The following DCC variants were observed in gnomAD, a reference collection of about 807,000 sequenced individuals.
The protein encoded by DCC is DCC netrin 1 receptor.
A neutral mutation model predicts 172.5 loss-of-function variants in DCC; 58 were observed. The ratio of observed to expected loss-of-function variants is 0.34; its 90% CI spans 0.27 to 0.42. The LOEUF (loss-of-function observed/expected upper bound fraction) is 0.42, where lower values mean the gene tolerates loss of function less well. Ranked by LOEUF, DCC falls within the 10% of genes least tolerant of loss-of-function variation. DCC has a pLI of 1.00. For synonymous variants in DCC, 709 were observed against 644.5 expected (o/e 1.10, Z -1.52); for missense variants, 1,740 against 1,791.0 (o/e 0.97, Z 0.51).
intron 1 of DCC, among the ~76,000 whole-genome samples, chr18:52,518,337 C>G (rs577594707): frequency 6.6e-6 from 1 of 152,104 alleles, no homozygotes; most frequent in African/African-American, 2.4e-5. Context: ...AAAGGTGGAA[C>G]CCAGAGTTTG....
chr18:52,542,695 T>C (rs2032494860), intron 1 of DCC, among the ~76,000 whole-genome samples: 1 of 152,002 alleles, frequency 6.6e-6, no homozygotes, highest in African/African-American at 2.4e-5. Flanking sequence ...AAAATTTAGC[T>C]GGGTGTGGTG....
chr18:53,363,629 C>T (rs1023063495), intron 15 of DCC, among the ~76,000 whole-genome samples: 2 of 152,086 alleles, frequency 1.3e-5, no homozygotes, highest in African/African-American at 4.8e-5. Flanking sequence ...CTCCCACAGG[C>T]TTCTTTGTCC....
chr18:53,100,564 T>G (rs2043157798), intron 7 of DCC, among the ~76,000 whole-genome samples: 1 of 141,138 alleles, frequency 7.1e-6, no homozygotes. Context: ...AGAAAGGGAG[T>G]AGAGTCAGAG....
chr18:53,029,274 C>T (rs1192154822), intron 5 of DCC, among the ~76,000 whole-genome samples: 1 of 152,096 alleles, frequency 6.6e-6, no homozygotes, highest in Non-Finnish European at 1.5e-5. Context: ...AATAATTTTG[C>T]TATGTGGGTT....
At chr18:53,429,379 A>G (rs1388326833) in intron 21 of DCC, among the ~76,000 whole-genome samples, 1 of 145,882 alleles carries the variant, frequency 6.9e-6, no homozygotes, top group Non-Finnish European at 1.5e-5. Context: ...TTTGTCTAGG[A>G]TACCCACAGT....
chr18:53,314,529 T>G (rs1317068742), intron 13 of DCC, among the ~76,000 whole-genome samples: 2 of 152,224 alleles, frequency 1.3e-5, no homozygotes, highest in East Asian at 3.8e-4. Flanking sequence ...GCTGAATTTC[T>G]CATCCAACAA....
intron 2 of DCC, among the ~76,000 whole-genome samples, chr18:52,851,322 T>C (rs937172186): frequency 1.3e-5 from 2 of 152,132 alleles, no homozygotes; most frequent in African/African-American, 2.4e-5. Flanking sequence ...TTAAAAGTGT[T>C]TAAGACTTAC....
chr18:52,842,427 G>A (rs1573409), intron 2 of DCC, among the ~76,000 whole-genome samples: 66,497 of 151,900 alleles, frequency 0.44, 14,731 homozygotes, highest in South Asian at 0.55. Flanking sequence ...CAACTTGTCA[G>A]TCAGGTAGAA....
intron 1 of DCC, among the ~76,000 whole-genome samples, chr18:52,545,908 A>G (rs1213180768): frequency 6.6e-6 from 1 of 152,218 alleles, no homozygotes; most frequent in East Asian, 1.9e-4. Context: ...CACTTGTTAC[A>G]CAACTTTTCC....
intron 7 of DCC, among the ~76,000 whole-genome samples, chr18:53,078,120 C>G (rs1202440339): frequency 6.6e-6 from 1 of 151,904 alleles, no homozygotes; most frequent in Non-Finnish European, 1.5e-5. Flanking sequence ...TATCGAGTAC[C>G]CAGAAATATA....
intron 3 of DCC, among the ~76,000 whole-genome samples, chr18:52,922,352 T>C (rs1415799838): frequency 1.3e-5 from 2 of 152,076 alleles, no homozygotes; most frequent in Non-Finnish European, 2.9e-5. Flanking sequence ...CTGTGTGGAG[T>C]TGGGTCAGGC....
Position 53,237,786 on chromosome 18 carries a change from A to G in DCC, c.1911+22189A>G, listed in dbSNP as rs150957345. ...GTATACAAAGTTAAATAAAAATAAC[A>G]TTTATTTCATCAAAAAATGTCTGAC... On this transcript the variant is annotated intron_variant, in intron 12 of 28. Coordinates refer to ENST00000442544, the MANE Select transcript of DCC (RefSeq NM_005215.4). Among the ~76,000 whole-genome samples, 19 of 152,320 alleles carry G rather than the reference A, an allele frequency of 1.2e-4. No homozygotes were observed. In the East Asian group the frequency reaches 3.1e-3, roughly 25 times the overall value.
chr18:53,364,936 T>C (rs2057986943), intron 15 of DCC, among the ~76,000 whole-genome samples: 1 of 152,150 alleles, frequency 6.6e-6, no homozygotes, highest in Non-Finnish European at 1.5e-5. Context: ...TTTTCCACAT[T>C]GATGGAAATT....
intron 9 of DCC, among the ~76,000 whole-genome samples, chr18:53,193,344 C>G (rs965208966): frequency 6.6e-6 from 1 of 152,064 alleles, no homozygotes; most frequent in African/African-American, 2.4e-5. Flanking sequence ...GAAGTGTTCA[C>G]TCTTTCCCCT....
At chr18:53,273,241 A>AT (rs892253351) in intron 12 of DCC, among the ~76,000 whole-genome samples, 6 of 151,992 alleles carry the variant, frequency 3.9e-5, no homozygotes, top group South Asian at 2.1e-4. Flanking sequence ...TAATCTTATG[A>AT]TTTTTTTCAT....
At chr18:52,880,809 G>A (rs1038761425) in intron 2 of DCC, among the ~76,000 whole-genome samples, 4 of 152,160 alleles carry the variant, frequency 2.6e-5, no homozygotes, top group Admixed American at 2.6e-4. Context: ...TGTGAACAGT[G>A]CTACAACAAA....
At chr18:53,345,820 A>G (rs1422045639) in intron 15 of DCC, among the ~76,000 whole-genome samples, 1 of 149,496 alleles carries the variant, frequency 6.7e-6, no homozygotes, top group Non-Finnish European at 1.5e-5. Context: ...TCTTGACTCT[A>G]TGGTTTTTGA....
chr18:53,403,736 C>A (rs1400406532), intron 19 of DCC, among the ~76,000 whole-genome samples: 1 of 151,932 alleles, frequency 6.6e-6, no homozygotes, highest in Non-Finnish European at 1.5e-5. Context: ...AGCTGGATAG[C>A]ACTATTATAA....
Position 52,464,720 on chromosome 18 carries a change from C to A in DCC, c.91+123842C>A, listed in dbSNP as rs969910282. 2.0e-5 allele frequency among the ~76,000 whole-genome samples: 3 copies of A among 151,672 alleles called. No homozygotes were observed. The East Asian group carries it at 5.8e-4, about 29-fold the overall frequency. ...CAGTGAGAAATCACAGGGAGACTTT[C>A]TGCAGGCAGTTGGTACTACCTGTTT... On this transcript the variant is annotated intron_variant, in intron 1 of 28. Transcript: ENST00000442544.
Sources: allele counts gnomAD v4.1 joint callset (sites outside exome capture counted in the v4.1 genomes callset), GRCh38; gene constraint gnomAD v4.1.1; transcripts MANE v1.5; gene names NCBI Gene and HGNC (gene_info 2026-07-23, HGNC 2026-07-21).